The following RNLS variants were observed in gnomAD, a reference collection of about 807,000 sequenced individuals.
RNLS encodes the protein renalase.
In RNLS, 39 loss-of-function variants were observed where a neutral mutation model predicts 39.8. That is an observed-to-expected ratio of 0.98 (90% CI 0.76 to 1.28). The LOEUF is 1.28. Among genes scored for constraint, RNLS ranks in the 50% most tolerant of loss-of-function variants. RNLS has a pLI of 0.00. For synonymous variants in RNLS, 147 were observed against 150.7 expected (o/e 0.98, Z 0.18); for missense variants, 410 against 413.3 (o/e 0.99, Z 0.07).
chr10:88,392,667 C>A (rs1055227819), intron 4 of RNLS, among the ~76,000 whole-genome samples: 1 of 152,216 alleles, frequency 6.6e-6, no homozygotes, highest in African/African-American at 2.4e-5. Context: ...GCAACTTTCA[C>A]AAACCCTGGG....
chr10:88,333,478 G>A (rs907343010), intron 5 of RNLS, among the ~76,000 whole-genome samples: 13 of 152,038 alleles, frequency 8.6e-5, no homozygotes, highest in Non-Finnish European at 1.6e-4. Flanking sequence ...TTTAATAACG[G>A]AAACACAATC....
intron 4 of RNLS, among the ~76,000 whole-genome samples, chr10:88,452,730 G>C (rs779400803): frequency 6.6e-6 from 1 of 152,132 alleles, no homozygotes; most frequent in Non-Finnish European, 1.5e-5. Context: ...CTTGAGACAA[G>C]ACCCAGGAAG....
chr10:88,236,936 A>C, the RNLS span, among the ~76,000 whole-genome samples: 4 of 152,116 alleles, frequency 2.6e-5, no homozygotes, highest in Non-Finnish European at 5.9e-5. Flanking sequence ...GCTACTTCGA[A>C]GTTCTAAAAT....
intron 4 of RNLS, among the ~76,000 whole-genome samples, chr10:88,548,071 G>A (rs1848407169): frequency 6.6e-6 from 1 of 151,340 alleles, no homozygotes; most frequent in South Asian, 2.1e-4. Context: ...CAACTAGCCT[G>A]GGGAACGCGG....
At chr10:88,544,002 T>G (rs757969762) in intron 4 of RNLS, among the ~76,000 whole-genome samples, 4 of 152,164 alleles carry the variant, frequency 2.6e-5, no homozygotes, top group Non-Finnish European at 5.9e-5. Context: ...TAGAGCCAGA[T>G]GGCCTAGGAA....
At position 88,453,450 on chromosome 10, in the gene RNLS, T is replaced by C. The variant is rs142067934; in HGVS notation, c.527-90725A>G. 7.4e-4 allele frequency among the ~76,000 whole-genome samples: 112 copies of C among 152,326 alleles called. 1 individual carries two copies. The highest frequency in any genetic ancestry group is 7.0e-3 in the South Asian group (34 of 4,824). On this transcript the variant is annotated intron_variant, in intron 4 of 6. Coordinates refer to ENST00000331772, the MANE Select transcript of RNLS (RefSeq NM_001031709.3). Reference sequence around the variant, plus strand: ...GTTATTGCAGCTGCAAAGGTCTCACTGGGATCATCAGAGACTTTGTTGTGA... The same window carrying C: ...GTTATTGCAGCTGCAAAGGTCTCACCGGGATCATCAGAGACTTTGTTGTGA...
At chr10:88,258,396 T>G in the RNLS span, among the ~76,000 whole-genome samples, 1 of 152,210 alleles carries the variant, frequency 6.6e-6, no homozygotes, top group East Asian at 1.9e-4. Context: ...GGAGTCCGTT[T>G]TGAACCCTAA....
At chr10:88,232,844 A>C in the RNLS span, among the ~76,000 whole-genome samples, 1 of 152,214 alleles carries the variant, frequency 6.6e-6, no homozygotes, top group Non-Finnish European at 1.5e-5. Flanking sequence ...ACTCAATTCC[A>C]GGTGGCACTT....
the RNLS span, among the ~76,000 whole-genome samples, chr10:88,261,988 G>A: frequency 2.0e-5 from 3 of 152,172 alleles, no homozygotes; most frequent in African/African-American, 2.4e-5. Flanking sequence ...TTTGACAAAT[G>A]AGTAGGAGTT....
At chr10:88,525,230 G>C (rs563636721) in intron 4 of RNLS, among the ~76,000 whole-genome samples, 60 of 151,234 alleles carry the variant, frequency 4.0e-4, no homozygotes, top group African/African-American at 1.4e-3. Flanking sequence ...TCACTAATAT[G>C]AAATATATTC....
the RNLS span, among the ~76,000 whole-genome samples, chr10:88,208,035 G>A: frequency 6.6e-6 from 1 of 152,272 alleles, no homozygotes; most frequent in South Asian, 2.1e-4. Context: ...TCAGAGATTA[G>A]TATAGTCCAC....
chr10:88,359,100 G>A lies in RNLS; in HGVS notation c.700+3452C>T, dbSNP rs117355249. Among the ~76,000 whole-genome samples the A allele has an allele frequency of 8.2e-3, 1,241 of 152,206 alleles. 19 individuals carry two copies. Among genetic ancestry groups the A allele is most frequent in the South Asian group, 0.029 (138 of 4,816 alleles). On this transcript the variant is annotated intron_variant, in intron 5 of 6. Coordinates refer to ENST00000331772, the MANE Select transcript of RNLS (RefSeq NM_001031709.3). ...GGCCAAGGCAGTTGGATCATTTGAG[G>A]TCAGGGGTTCAAGACCAGACTGGCC...
chr10:88,316,638 A>C (rs1389084779), intron 5 of RNLS, among the ~76,000 whole-genome samples: 4 of 152,132 alleles, frequency 2.6e-5, no homozygotes, highest in Admixed American at 2.6e-4. Flanking sequence ...TTCCAGGGGA[A>C]ACTCGTAAAG....
the RNLS span, among the ~76,000 whole-genome samples, chr10:88,220,843 C>T: frequency 6.6e-6 from 1 of 152,154 alleles, no homozygotes; most frequent in African/African-American, 2.4e-5. Flanking sequence ...TTGACAGCAT[C>T]CTTCTGAAAG....
chr10:88,479,192 CAA>C (rs1291696011), intron 4 of RNLS, among the ~76,000 whole-genome samples: 1 of 152,200 alleles, frequency 6.6e-6, no homozygotes, highest in Non-Finnish European at 1.5e-5. Context: ...AGGTATTCAA[CAA>C]CCTCTTGTTG....
At chr10:88,508,314 G>A (rs547995727) in intron 4 of RNLS, among the ~76,000 whole-genome samples, 33 of 152,168 alleles carry the variant, frequency 2.2e-4, no homozygotes, top group African/African-American at 7.5e-4. Context: ...TGTAACCTAA[G>A]GAAAATTACA....
chr10:88,329,090 T>G (rs1846879853), intron 5 of RNLS, among the ~76,000 whole-genome samples: 1 of 151,904 alleles, frequency 6.6e-6, no homozygotes, highest in Non-Finnish European at 1.5e-5. Context: ...TTTTCTTTTT[T>G]TTTTTTTGCT....
chr10:88,483,081 A>G (rs1389406519), intron 4 of RNLS, among the ~76,000 whole-genome samples: 1 of 152,098 alleles, frequency 6.6e-6, no homozygotes, highest in African/African-American at 2.4e-5. Flanking sequence ...TTCTGACTGT[A>G]TAGTTTAATG....
Position 88,435,449 on chromosome 10 carries a change from T to C in RNLS, c.527-72724A>G, listed in dbSNP as rs12262627. Reference sequence around the variant, plus strand: ...AATATTTGGGGGTAAACCAAAAACATTAAAAAAATAAAAAAAGACCAAAAA... The same window carrying C: ...AATATTTGGGGGTAAACCAAAAACACTAAAAAAATAAAAAAAGACCAAAAA... On this transcript the variant is annotated intron_variant, in intron 4 of 6. Coordinates refer to ENST00000331772, the MANE Select transcript of RNLS (RefSeq NM_001031709.3). Among the ~76,000 whole-genome samples, 1,206 of 146,430 alleles carry C rather than the reference T, an allele frequency of 8.2e-3. 18 individuals are homozygous for C. The highest frequency in any genetic ancestry group is 0.027 in the African/African-American group (1,086 of 39,932).
Sources: allele counts gnomAD v4.1 joint callset (sites outside exome capture counted in the v4.1 genomes callset), GRCh38; gene constraint gnomAD v4.1.1; transcripts MANE v1.5; gene names NCBI Gene and HGNC (gene_info 2026-07-23, HGNC 2026-07-21).